Variants in SMAD4 observed in about 807,000 individuals in gnomAD.
The protein encoded by SMAD4 is MAD homolog 4.
SMAD4 carries 7 observed loss-of-function variants against 63.2 expected under a neutral mutation model. The ratio of observed to expected loss-of-function variants is 0.11; its 90% CI spans 0.06 to 0.21. The LOEUF (loss-of-function observed/expected upper bound fraction) is 0.21, where lower values mean the gene tolerates loss of function less well. Among genes scored for constraint, SMAD4 ranks in the 10% least tolerant of loss-of-function variants. The probability of loss-of-function intolerance (pLI) is 1.00; values close to 1 mark genes in which losing one functional copy is unlikely to be tolerated. For missense variants in SMAD4, 312 were observed against 693.8 expected (o/e 0.45, Z 6.18); for synonymous variants, 215 against 235.4 (o/e 0.91, Z 0.79).
chr18:51,042,022 A>G (rs899978164), intron 1 of SMAD4, among the ~76,000 whole-genome samples: 2 of 152,098 alleles, frequency 1.3e-5, no homozygotes, highest in Non-Finnish European at 2.9e-5. Context: ...TGGGTCTTCC[A>G]GATTAGTAGT....
At position 51,067,400 on chromosome 18, in the gene SMAD4, TTTTA is replaced by T. The variant is rs543826723; in HGVS notation, c.1308+237_1308+240del. On this transcript the variant is annotated intron_variant, in intron 10 of 11. Coordinates refer to ENST00000342988, the MANE Select transcript of SMAD4 (RefSeq NM_005359.6). ...CCAATTTGTTACATTTTGTTTTTTA[TTTTA>T]TTTATTTATTTATTTATTTATTTTT... 3.0e-3 allele frequency among the ~76,000 whole-genome samples: 450 copies of T among 151,974 alleles called. 2 individuals carry two copies. Among genetic ancestry groups the T allele is most frequent in the Middle Eastern group, 6.8e-3 (2 of 294 alleles).
In SMAD4 at chr18:51,079,334, A is replaced by G. The variant is rs1446946547; in HGVS notation, c.*867A>G. 4.3e-6 allele frequency: 1 copy of G among 233,318 alleles called. No individual in the cohort carries two copies. The highest frequency in any genetic ancestry group is 8.5e-6 in the Non-Finnish European group (1 of 117,926). 14.5% of individuals were successfully genotyped at this position (233,318 alleles called of 1,614,324 possible). Reference sequence around the variant, plus strand: ...AAGGTTTTGTATTTTTTAAAACACTAAAAGCAGCGTCACTCTACCTAATGT... The same window carrying G: ...AAGGTTTTGTATTTTTTAAAACACTGAAAGCAGCGTCACTCTACCTAATGT... On this transcript the variant is annotated 3_prime_UTR_variant, in exon 12 of 12. Coordinates refer to ENST00000342988, the MANE Select transcript of SMAD4 (RefSeq NM_005359.6).
At chr18:51,050,131 G>A (rs1380833782) in intron 4 of SMAD4, among the ~76,000 whole-genome samples, 1 of 152,130 alleles carries the variant, frequency 6.6e-6, no homozygotes, top group East Asian at 1.9e-4. Context: ...GCTTAAGCGG[G>A]TGGATCACCT....
At chr18:51,059,761 A>G in intron 7 of SMAD4, 105 bp from the exon 8 acceptor site, 1 of 857,504 alleles carries the variant, frequency 1.2e-6, no homozygotes, top group Admixed American at 1.9e-5. Context: ...TGTTTTAAAC[A>G]ATTCCTAACC....
At chr18:51,046,525 C>A (rs1342919276) in intron 1 of SMAD4, among the ~76,000 whole-genome samples, 1 of 148,702 alleles carries the variant, frequency 6.7e-6, no homozygotes, top group African/African-American at 2.5e-5. Context: ...GTAAATTTTT[C>A]ATAAATATTA....
intron 1 of SMAD4, among the ~76,000 whole-genome samples, chr18:51,035,294 G>A (rs559229593): frequency 1.3e-5 from 2 of 152,272 alleles, no homozygotes; most frequent in South Asian, 4.1e-4. Context: ...TTTTAAATAG[G>A]AAGTTGATTT....
chr18:51,063,152 C>T (rs1204974740), intron 8 of SMAD4, among the ~76,000 whole-genome samples: 1 of 151,840 alleles, frequency 6.6e-6, no homozygotes, highest in Admixed American at 6.6e-5. Context: ...GTGCCTGGCC[C>T]TCATTTTCTT....
rs145805120 is a variant in SMAD4, at chr18:51,054,908, A to G, written c.582A>G (p.Thr194=). The change falls in exon 5 of 12, where the codon ACA becomes ACG. Residue 194 remains threonine, a synonymous_variant. Coordinates refer to ENST00000342988, the MANE Select transcript of SMAD4 (RefSeq NM_005359.6). ...HPPSNRASTE[T]YSTPALLAPS... ...CAAGTAATCGTGCATCGACAGAGACATACAGCACCCCAGCTCTGTTAGCCC... is the reference window on the plus strand; with the variant it reads ...CAAGTAATCGTGCATCGACAGAGACGTACAGCACCCCAGCTCTGTTAGCCC... The G allele has an allele frequency of 3.3e-5, 53 of 1,614,180 alleles. No individual in the cohort carries two copies. In the African/African-American group the frequency reaches 5.3e-4, roughly 16 times the overall value.
chr18:51,080,133 G>A lies in SMAD4; in HGVS notation c.*1666G>A. 1 of 232,682 alleles carries A rather than the reference G, an allele frequency of 4.3e-6. No individual in the cohort carries two copies. Among genetic ancestry groups the A allele is most frequent in the African/African-American group, 2.2e-5 (1 of 45,414 alleles). 14.4% of individuals were successfully genotyped at this position (232,682 alleles called of 1,614,324 possible). A position where few individuals can be genotyped will look rare whatever the true frequency, so the allele number is the denominator to read the frequency against. ...AACTTTTAGCTATAGAAACACTTGT[G>A]TGATGATAGTCCTCCTTATATCACC... On this transcript the variant is annotated 3_prime_UTR_variant, in exon 12 of 12. Transcript: ENST00000342988.
chr18:51,067,704 T>C (rs1204083682), intron 10 of SMAD4, among the ~76,000 whole-genome samples: 1 of 152,176 alleles, frequency 6.6e-6, no homozygotes, highest in Non-Finnish European at 1.5e-5. Flanking sequence ...TGAACCACTG[T>C]GCCAGGCCTG....
At chr18:51,055,495 A>G (rs1909819514) in intron 5 of SMAD4, among the ~76,000 whole-genome samples, 1 of 151,896 alleles carries the variant, frequency 6.6e-6, no homozygotes, top group African/African-American at 2.4e-5. Context: ...GATATAAGCT[A>G]ACTTCTATAT....
chr18:51,045,766 C>T, intron 1 of SMAD4, among the ~76,000 whole-genome samples: 1 of 152,044 alleles, frequency 6.6e-6, no homozygotes, highest in South Asian at 2.1e-4. Flanking sequence ...CAAAGAAACA[C>T]CATACCCATT....
In SMAD4 at chr18:51,035,359, C is replaced by CT. The variant is rs370569262; in HGVS notation, c.-128+4739dup. ...TTGTACTCCTTTTGGAGACTAATTA[C>CT]TTTAAGTCCCCAAGTTAGCATCTGA... On this transcript the variant is annotated intron_variant, in intron 1 of 11. Transcript: ENST00000342988. Among the ~76,000 whole-genome samples the CT allele has an allele frequency of 2.3e-3, 343 of 150,506 alleles. 2 individuals carry two copies. The highest frequency in any genetic ancestry group is 8.4e-3 in the African/African-American group (334 of 39,954).
At chr18:51,051,018 A>T (rs1203304781) in intron 4 of SMAD4, 2 of 163,996 alleles carry the variant, frequency 1.2e-5, no homozygotes, top group Non-Finnish European at 2.6e-5. Context: ...TTGATATTGT[A>T]TCACTTCTTT....
intron 1 of SMAD4, among the ~76,000 whole-genome samples, chr18:51,033,607 A>G (rs1909116687): frequency 6.6e-6 from 1 of 152,238 alleles, no homozygotes; most frequent in Non-Finnish European, 1.5e-5. Context: ...AAATATATCT[A>G]GATATATTCA....
intron 1 of SMAD4, among the ~76,000 whole-genome samples, chr18:51,045,301 G>A (rs1444445238): frequency 6.6e-6 from 1 of 152,182 alleles, no homozygotes; most frequent in Non-Finnish European, 1.5e-5. Context: ...TATTAATCTT[G>A]TGGGAGGATA....
intron 1 of SMAD4, among the ~76,000 whole-genome samples, chr18:51,032,202 C>T (rs1909071833): frequency 6.6e-6 from 1 of 152,180 alleles, no homozygotes; most frequent in African/African-American, 2.4e-5. Flanking sequence ...CATTTTGTGA[C>T]TCTATTAATA....
chr18:51,066,321 G>T (rs1299227630), intron 9 of SMAD4, among the ~76,000 whole-genome samples: 1 of 149,934 alleles, frequency 6.7e-6, no homozygotes, highest in Non-Finnish European at 1.5e-5. Flanking sequence ...CCCAGCCTGG[G>T]TGACAGAGTG....
At chr18:51,052,823 TGTTCTGGACCTTGGTTTTTTACTTACA>T (rs896717503) in intron 4 of SMAD4, 1 of 163,282 alleles carries the variant, frequency 6.1e-6, no homozygotes, top group Non-Finnish European at 1.4e-5. Context: ...CTATGCATAC[TGTTCTGGACCTTGGTTTTTTACTTACA>T]GTATATGATT....
Sources: gnomAD v4.1 joint callset for allele counts (sites outside exome capture counted in the v4.1 genomes callset) on GRCh38, gnomAD v4.1.1 for gene constraint, MANE v1.5 for transcripts, NCBI Gene and HGNC (gene_info 2026-07-23, HGNC 2026-07-21) for gene names.